Variants in REV1 observed in about 807,000 individuals in gnomAD.
REV1 encodes the protein REV1 DNA directed polymerase.
Under a neutral mutation model 137.4 loss-of-function variants are expected in REV1, and 42 were observed. The ratio of observed to expected loss-of-function variants is 0.31; its 90% confidence interval spans 0.24 to 0.40. The LOEUF (loss-of-function observed/expected upper bound fraction) is 0.40. Among genes scored for constraint, REV1 ranks in the 10% least tolerant of loss-of-function variants. The probability of loss-of-function intolerance (pLI) is 1.00; values close to 1 mark genes in which losing one functional copy is unlikely to be tolerated. For missense variants in REV1, 1,282 were observed against 1,490.1 expected (o/e 0.86, Z 2.30); for synonymous variants, 524 against 519.2 (o/e 1.01, Z -0.12).
intron 1 of REV1, among the ~76,000 whole-genome samples, chr2:99,485,065 A>T (rs1051365965): frequency 3.9e-5 from 6 of 151,900 alleles, no homozygotes; most frequent in East Asian, 1.9e-4. Flanking sequence ...TTTGACTTTT[A>T]AAAAAAAATT....
intron 1 of REV1, among the ~76,000 whole-genome samples, chr2:99,468,107 G>T (rs1366604477): frequency 6.6e-6 from 1 of 152,000 alleles, no homozygotes; most frequent in Non-Finnish European, 1.5e-5. Context: ...TTGAACCCGG[G>T]AGGCGGAGGT....
intron 22 of REV1, among the ~76,000 whole-genome samples, chr2:99,401,728 CAG>C (rs1231808719): frequency 6.6e-6 from 1 of 152,148 alleles, no homozygotes; most frequent in Non-Finnish European, 1.5e-5. Flanking sequence ...GCCTGGGCGA[CAG>C]AGTGAGACTC....
At position 99,402,763 on chromosome 2, in the gene REV1, A is replaced by T; in HGVS notation, c.3422T>A (p.Leu1141His). The T allele has an allele frequency of 6.2e-7, 1 of 1,614,234 alleles. No homozygotes were observed. Among genetic ancestry groups the T allele is most frequent in the Non-Finnish European group, 8.5e-7 (1 of 1,180,046 alleles). ...LSASTSGVPG[L>H]SSLQSDPAGC... The stretch of plus-strand genomic sequence containing the variant: ...AGCTGGGTCAGACTGCAAACTAGAA[A>T]GGCCTGGCACACCTGAAGTAGAAGC... Residue 1141 changes from leucine (L) to histidine (H), a missense_variant, in exon 21 of 23, where the codon CTT (leucine) becomes CAT (histidine). By Grantham distance (99) the Leu-to-His change is moderately conservative. This residue lies in a region of REV1 where 170 missense variants were observed against 156.8 expected (regional missense o/e 1.08). Transcript: ENST00000258428.
rs1446712642 is a variant in REV1, at chr2:99,401,076, A to T, written c.*165T>A. 18 of 485,574 alleles carry T rather than the reference A, an allele frequency of 3.7e-5. No homozygotes were observed. Among genetic ancestry groups the T allele is most frequent in the Non-Finnish European group, 6.3e-5 (17 of 269,886 alleles). The allele number at this position is 485,574 out of a possible 1,614,324, so 30.1% of individuals were successfully genotyped here. On this transcript the variant is annotated 3_prime_UTR_variant, in exon 23 of 23. Transcript: ENST00000258428. ...ATAATTAACACAATTATTTACATGC[A>T]ATACTGACAAATTTGGCACTTTTTG...
intron 15 of REV1, chr2:99,407,077 GTTCT>G (rs1676408390): frequency 4.3e-5 from 2 of 46,788 alleles, no homozygotes; most frequent in African/African-American, 1.6e-4. Flanking sequence ...ACCTACAAAG[GTTCT>G]TTTTTTTTTT....
intron 3 of REV1, among the ~76,000 whole-genome samples, chr2:99,458,159 A>G (rs1445266080): frequency 6.6e-6 from 1 of 152,238 alleles, no homozygotes; most frequent in African/African-American, 2.4e-5. Flanking sequence ...ATGAAAAACT[A>G]CAGACTGGGA....
chr2:99,437,234 C>T (rs1007973401), intron 6 of REV1, among the ~76,000 whole-genome samples: 3 of 152,114 alleles, frequency 2.0e-5, no homozygotes, highest in Non-Finnish European at 4.4e-5. Context: ...CCTCCCGCCT[C>T]GGCCTCCGAA....
At chr2:99,411,247 CACTGCATTCCAGCCTGGGCG>C (rs1677096765) in intron 13 of REV1, among the ~76,000 whole-genome samples, 1 of 151,994 alleles carries the variant, frequency 6.6e-6, no homozygotes, top group South Asian at 2.1e-4. Flanking sequence ...GAGATCATGC[CACTGCATTCCAGCCTGGGCG>C]ACAGAGGGAG....
intron 3 of REV1, among the ~76,000 whole-genome samples, chr2:99,452,484 A>G (rs777163992): frequency 1.3e-5 from 2 of 152,100 alleles, no homozygotes; most frequent in Admixed American, 6.6e-5. Flanking sequence ...CATGAAAGCT[A>G]TATGACATTA....
At chr2:99,455,176 A>C (rs191618468) in intron 3 of REV1, among the ~76,000 whole-genome samples, 76 of 152,368 alleles carry the variant, frequency 5.0e-4, no homozygotes, top group Admixed American at 4.8e-3. Context: ...TGTGCTATAT[A>C]AATCACAGAA....
At position 99,403,704 on chromosome 2, in the gene REV1, T is replaced by C. The variant is rs777525345; in HGVS notation, c.3157A>G (p.Ser1053Gly). Reference protein sequence around the residue: ...GENSTHQQSASASVPKNPLLH... With the variant: ...GENSTHQQSAGASVPKNPLLH... ...CACTTCCAAGGCTCACCAGATGCGCTGGCTGACTGCTGGTGAGTGCTGTTC... is the reference window on the plus strand; with the variant it reads ...CACTTCCAAGGCTCACCAGATGCGCCGGCTGACTGCTGGTGAGTGCTGTTC... Residue 1053 changes from serine (S) to glycine (G), a missense_variant, in exon 19 of 23, where the codon AGC (serine) becomes GGC (glycine). By Grantham distance (56) the Ser-to-Gly change is moderately conservative. This residue lies in a region of REV1 where 170 missense variants were observed against 156.8 expected (regional missense o/e 1.08). Transcript: ENST00000258428. 3.1e-6 allele frequency: 5 copies of C among 1,614,206 alleles called. No homozygotes were observed. The South Asian group carries it at 3.3e-5, about 11-fold the overall frequency.
chr2:99,403,061 T>G lies in REV1; in HGVS notation c.3212A>C (p.Lys1071Thr). The change falls in exon 20 of 23, where the codon AAG (lysine) becomes ACG (threonine). Residue 1071 changes from lysine (K) to threonine (T), a missense_variant. By Grantham distance (78) the Lys-to-Thr change is moderately conservative. Around this residue, in one of 7 missense-constraint regions of REV1, gnomAD observed 170 missense variants for 156.8 expected, o/e 1.08. Transcript: ENST00000258428. ...GGTTTTTTTCTTCTTGTTTCTTTTCTTTTCTTTCACTGCTGCCTTTAGATG... is the reference window on the plus strand; with the variant it reads ...GGTTTTTTTCTTCTTGTTTCTTTTCGTTTCTTTCACTGCTGCCTTTAGATG... ...LLHLKAAVKE[K>T]KRNKKKKTIG... is the part of the protein sequence containing the mutation. 4.3e-6 allele frequency: 7 copies of G among 1,613,546 alleles called. No homozygotes were observed. The highest frequency in any genetic ancestry group is 5.9e-6 in the Non-Finnish European group (7 of 1,179,804).
chr2:99,431,527 C>A (rs1680125456), intron 8 of REV1, among the ~76,000 whole-genome samples: 1 of 152,148 alleles, frequency 6.6e-6, no homozygotes, highest in Non-Finnish European at 1.5e-5. Context: ...CAGCCACAAC[C>A]AACTGTCTTT....
At chr2:99,477,585 A>G (rs1686123861) in intron 1 of REV1, among the ~76,000 whole-genome samples, 1 of 152,216 alleles carries the variant, frequency 6.6e-6, no homozygotes, top group Non-Finnish European at 1.5e-5. Context: ...GAGCATTTTA[A>G]TATGATTTTG....
At chr2:99,442,565 C>T (rs1681656214) in intron 4 of REV1, 96 bp from the exon 5 acceptor site, 1 of 1,106,524 alleles carries the variant, frequency 9.0e-7, no homozygotes, top group Admixed American at 2.1e-5. Flanking sequence ...AGTATTTCAC[C>T]AACAACAGGT....
chr2:99,450,280 C>T (rs1682771160), intron 3 of REV1, among the ~76,000 whole-genome samples: 1 of 152,028 alleles, frequency 6.6e-6, no homozygotes, highest in African/African-American at 2.4e-5. Context: ...ACTTATGCTT[C>T]CCCCTAAGAA....
intron 1 of REV1, among the ~76,000 whole-genome samples, chr2:99,470,490 G>A (rs779327160): frequency 3.9e-5 from 6 of 152,170 alleles, no homozygotes; most frequent in South Asian, 4.1e-4. Flanking sequence ...TCTGCTAGCC[G>A]TAATAAAGAA....
At chr2:99,467,177 T>C (rs1684902248) in intron 1 of REV1, among the ~76,000 whole-genome samples, 1 of 152,078 alleles carries the variant, frequency 6.6e-6, no homozygotes, top group African/African-American at 2.4e-5. Flanking sequence ...GTATACCTAC[T>C]GCACAAGGCC....
At chr2:99,482,961 G>C (rs924840172) in intron 1 of REV1, among the ~76,000 whole-genome samples, 1 of 143,656 alleles carries the variant, frequency 7.0e-6, no homozygotes, top group Non-Finnish European at 1.5e-5. Flanking sequence ...AGGTTGCAGT[G>C]AACCAAGATC....
Sources: gnomAD v4.1 joint callset for allele counts (sites outside exome capture counted in the v4.1 genomes callset) on GRCh38, gnomAD v4.1.1 for gene constraint, gnomAD v4.1.1 regional missense constraint, MANE v1.5 for transcripts, NCBI Gene and HGNC (gene_info 2026-07-23, HGNC 2026-07-21) for gene names.